AGBL4: variants seen among roughly 807,000 people sequenced by gnomAD.
The protein encoded by AGBL4 is cytosolic carboxypeptidase 6.
In AGBL4, 58 loss-of-function variants were observed where a neutral mutation model predicts 66.4. The ratio of observed to expected loss-of-function variants is 0.87; its 90% confidence interval spans 0.71 to 1.09. The LOEUF is 1.09. Ranked by LOEUF, AGBL4 falls within the 50% of genes least tolerant of loss-of-function variation. The probability of loss-of-function intolerance (pLI) is 0.00; values close to 1 mark genes in which losing one functional copy is unlikely to be tolerated. For synonymous variants in AGBL4, 234 were observed against 222.9 expected (o/e 1.05, Z -0.44); for missense variants, 579 against 631.0 (o/e 0.92, Z 0.88).
intron 5 of AGBL4, among the ~76,000 whole-genome samples, chr1:48,912,152 C>T (rs370339444): frequency 2.6e-5 from 4 of 152,160 alleles, no homozygotes; most frequent in East Asian, 3.9e-4. Context: ...GTCTAGTTCT[C>T]GCTATCATGT....
chr1:49,555,117 TC>T (rs1653316327), intron 3 of AGBL4, among the ~76,000 whole-genome samples: 1 of 152,312 alleles, frequency 6.6e-6, no homozygotes, highest in Non-Finnish European at 1.5e-5. Flanking sequence ...CCCACTCACA[TC>T]CCGCTGATTG....
At chr1:49,776,922 AAT>A (rs1225383441) in intron 2 of AGBL4, among the ~76,000 whole-genome samples, 2 of 152,168 alleles carry the variant, frequency 1.3e-5, no homozygotes, top group Non-Finnish European at 2.9e-5. Context: ...TTTGGCACAG[AAT>A]ATGAGTTCAC....
At chr1:49,678,090 C>T (rs1235374685) in intron 3 of AGBL4, among the ~76,000 whole-genome samples, 1 of 152,072 alleles carries the variant, frequency 6.6e-6, no homozygotes, top group Non-Finnish European at 1.5e-5. Context: ...TGGACACATC[C>T]TTTTTGAAAA....
rs1340527339 is a variant in AGBL4, at chr1:49,517,319, A to C, written c.282+179994T>G. Among the ~76,000 whole-genome samples the C allele has an allele frequency of 1.3e-5, 2 of 148,706 alleles. 1 individual carries two copies. Among genetic ancestry groups the C allele is most frequent in the Non-Finnish European group, 3.0e-5 (2 of 66,952 alleles). On this transcript the variant is annotated intron_variant, in intron 3 of 13. Transcript: ENST00000371839. ...CTAAAACTCTTTGAAGGTTGAGGAC[A>C]AAAAAAAAATCAGTATTACCAGGGT...
At position 49,265,497 on chromosome 1, in the gene AGBL4, C is replaced by G. The variant is rs17105578; in HGVS notation, c.283-19633G>C. Reference sequence around the variant, plus strand: ...AGCTCCTTTACTTCGGAGCCATATTCCCAGTTTTTATATTACTTATTGGGA... The same window carrying G: ...AGCTCCTTTACTTCGGAGCCATATTGCCAGTTTTTATATTACTTATTGGGA... On this transcript the variant is annotated intron_variant, in intron 3 of 13. Transcript: ENST00000371839. 7.3e-3 allele frequency among the ~76,000 whole-genome samples: 1,105 copies of G among 152,236 alleles called. 17 individuals are homozygous for G. Among genetic ancestry groups the G allele is most frequent in the African/African-American group, 0.026 (1,070 of 41,550 alleles).
rs1049252523 is a variant in AGBL4 at position 48,619,795 on chromosome 1, T to G, written c.951+14698A>C. Among the ~76,000 whole-genome samples the G allele has an allele frequency of 5.9e-5, 9 of 152,254 alleles. No individual in the cohort carries two copies. In the Middle Eastern group the frequency reaches 0.01, roughly 174 times the overall value. On this transcript the variant is annotated intron_variant, in intron 9 of 13. Coordinates refer to ENST00000371839, the MANE Select transcript of AGBL4 (RefSeq NM_032785.4). The stretch of plus-strand genomic sequence containing the variant: ...TGAAGTGCCCTGTAGGATCAGCCGG[T>G]GGGGGCTGCTGTGTACAGTGGCCTT...
intron 3 of AGBL4, among the ~76,000 whole-genome samples, chr1:49,446,823 A>G (rs1415640677): frequency 6.6e-6 from 1 of 152,186 alleles, no homozygotes; most frequent in East Asian, 1.9e-4. Flanking sequence ...CTGGTACTAC[A>G]TGACTCCAAA....
chr1:48,639,769 A>G (rs187974334), intron 8 of AGBL4, among the ~76,000 whole-genome samples: 1 of 152,344 alleles, frequency 6.6e-6, no homozygotes, highest in East Asian at 1.9e-4. Context: ...CAAAGGGTAT[A>G]GCATGTGCAA....
At chr1:48,740,963 C>G (rs1368432348) in intron 6 of AGBL4, among the ~76,000 whole-genome samples, 1 of 152,166 alleles carries the variant, frequency 6.6e-6, no homozygotes, top group Non-Finnish European at 1.5e-5. Flanking sequence ...AATGAAAAAA[C>G]AAAATAGGCA....
chr1:49,918,408 C>T (rs570258268), intron 1 of AGBL4, among the ~76,000 whole-genome samples: 80 of 152,256 alleles, frequency 5.3e-4, no homozygotes, highest in Admixed American at 9.8e-4. Flanking sequence ...GGGGATATCA[C>T]CACCGATCCC....
chr1:49,509,224 G>A (rs541258642), intron 3 of AGBL4, among the ~76,000 whole-genome samples: 5 of 151,904 alleles, frequency 3.3e-5, no homozygotes, highest in South Asian at 4.1e-4. Flanking sequence ...AAGATTCAAG[G>A]TGGAGAGGAA....
At chr1:49,012,276 G>T (rs1195645338) in intron 5 of AGBL4, among the ~76,000 whole-genome samples, 2 of 152,144 alleles carry the variant, frequency 1.3e-5, no homozygotes, top group Non-Finnish European at 2.9e-5. Context: ...AAAAGGTGCT[G>T]TGTGCAGGGA....
rs181828860 is a variant in AGBL4, at chr1:49,691,887, T to C, written c.282+5426A>G. Among the ~76,000 whole-genome samples, 55 of 152,278 alleles carry C rather than the reference T, an allele frequency of 3.6e-4. No homozygotes were observed. In the East Asian group the frequency reaches 7.3e-3, roughly 20 times the overall value. ...CCCTCGAACATCGGACTCCAAGTTC[T>C]TCAGTTTTGGAACTCAGACTGGCTT... is the stretch of plus-strand genomic sequence containing the variant. On this transcript the variant is annotated intron_variant, in intron 3 of 13. Transcript: ENST00000371839.
intron 4 of AGBL4, among the ~76,000 whole-genome samples, chr1:49,123,237 T>C (rs988690395): frequency 6.6e-6 from 1 of 152,218 alleles, no homozygotes; most frequent in Admixed American, 6.5e-5. Context: ...TTGAGGCTAT[T>C]ATTACCTCTA....
intron 3 of AGBL4, among the ~76,000 whole-genome samples, chr1:49,505,814 A>G (rs1048839519): frequency 3.9e-5 from 6 of 151,962 alleles, no homozygotes; most frequent in Non-Finnish European, 5.9e-5. Context: ...ATTTCTTTAA[A>G]TAAGCTTTCT....
In AGBL4 at chr1:49,943,173, C is replaced by T. The variant is rs560741682; in HGVS notation, c.34+80590G>A. Among the ~76,000 whole-genome samples the T allele has an allele frequency of 8.0e-4, 122 of 152,152 alleles. 1 individual carries two copies. The South Asian group carries it at 0.024, about 31-fold the overall frequency. ...CAAAGAGACAAAGGATAACAAGTGT[C>T]GCCAAAAATGTGAAGAAAAGGAAAT... On this transcript the variant is annotated intron_variant, in intron 1 of 13. Coordinates refer to ENST00000371839, the MANE Select transcript of AGBL4 (RefSeq NM_032785.4).
intron 3 of AGBL4, among the ~76,000 whole-genome samples, chr1:49,407,875 G>A (rs148076837): frequency 1.2e-3 from 188 of 152,308 alleles, no homozygotes; most frequent in African/African-American, 4.3e-3. Flanking sequence ...TGTATGATGT[G>A]TGTTCCTAAT....
intron 6 of AGBL4, among the ~76,000 whole-genome samples, chr1:48,663,823 T>C (rs982269492): frequency 6.6e-6 from 1 of 152,106 alleles, no homozygotes; most frequent in African/African-American, 2.4e-5. Context: ...GAACATGCTG[T>C]TAATGTGTTT....
At chr1:49,955,598 T>C (rs1656529395) in intron 1 of AGBL4, among the ~76,000 whole-genome samples, 1 of 151,908 alleles carries the variant, frequency 6.6e-6, no homozygotes, top group Non-Finnish European at 1.5e-5. Flanking sequence ...AGCTCCCCTA[T>C]ATCTATAACC....
Sources: allele counts gnomAD v4.1 joint callset (sites outside exome capture counted in the v4.1 genomes callset), GRCh38; gene constraint gnomAD v4.1.1; transcripts MANE v1.5; gene names NCBI Gene and HGNC (gene_info 2026-07-23, HGNC 2026-07-21).